The following SLC1A7 variants were observed in gnomAD, a reference collection of about 807,000 sequenced individuals.
SLC1A7 encodes excitatory amino acid transporter 5.
Under a neutral mutation model 47.7 loss-of-function variants are expected in SLC1A7, and 40 were observed. The ratio of observed to expected loss-of-function variants is 0.84; its 90% CI spans 0.65 to 1.09. The LOEUF (loss-of-function observed/expected upper bound fraction) is 1.09. SLC1A7 is among the 50% of genes least tolerant of loss of function. The probability of loss-of-function intolerance (pLI) is 0.00; values close to 1 mark genes in which losing one functional copy is unlikely to be tolerated. For missense variants in SLC1A7, 746 were observed against 769.5 expected (o/e 0.97, Z 0.36); for synonymous variants, 323 against 325.6 (o/e 0.99, Z 0.09).
chr1:53,137,287 C>CA (rs60113708), intron 1 of SLC1A7, among the ~76,000 whole-genome samples: 4,151 of 100,744 alleles, frequency 0.041, 194 homozygotes, highest in Non-Finnish European at 0.062. Flanking sequence ...ACGCTATCTC[C>CA]AAAAAAAAAA....
intron 1 of SLC1A7, among the ~76,000 whole-genome samples, chr1:53,141,999 C>G (rs1276753672): frequency 6.6e-6 from 1 of 152,112 alleles, no homozygotes; most frequent in Non-Finnish European, 1.5e-5. Context: ...CCTGTTTGAA[C>G]TCACACAAGA....
At chr1:53,117,749 A>C (rs1261960477) in intron 2 of SLC1A7, among the ~76,000 whole-genome samples, 1 of 152,160 alleles carries the variant, frequency 6.6e-6, no homozygotes, top group African/African-American at 2.4e-5. Flanking sequence ...AAGGCCCCCC[A>C]CCGGGGACGA....
At chr1:53,140,837 C>T (rs1295319844) in intron 1 of SLC1A7, among the ~76,000 whole-genome samples, 2 of 152,206 alleles carry the variant, frequency 1.3e-5, no homozygotes, top group Non-Finnish European at 1.5e-5. Context: ...TTCAGGGTTT[C>T]TCTGCCTCCA....
At chr1:53,140,940 A>G (rs1645050950) in intron 1 of SLC1A7, among the ~76,000 whole-genome samples, 1 of 152,124 alleles carries the variant, frequency 6.6e-6, no homozygotes, top group South Asian at 2.1e-4. Context: ...TTTCCTTTTA[A>G]TGGAAGACAA....
chr1:53,102,329 C>T lies in SLC1A7; in HGVS notation c.697+1017G>A, dbSNP rs558742463. The stretch of plus-strand genomic sequence containing the variant: ...GCTCTGGGGTGGATGGAGACAAGCC[C>T]GTCAGCCTGTATGGGGCTGGTCATG... On this transcript the variant is annotated intron_variant, in intron 5 of 10. Transcript: ENST00000371494. The T allele has an allele frequency of 4.6e-5, 7 of 152,388 alleles. No individual in the cohort carries two copies. The East Asian group carries it at 9.6e-4, about 21-fold the overall frequency. 9.4% of individuals were successfully genotyped at this position (152,388 alleles called of 1,614,324 possible).
At chr1:53,117,473 A>G (rs1644774110) in intron 2 of SLC1A7, among the ~76,000 whole-genome samples, 2 of 152,232 alleles carry the variant, frequency 1.3e-5, no homozygotes, top group South Asian at 4.1e-4. Context: ...ACCTGACCTA[A>G]GAACTCACCA....
At chr1:53,093,630 G>A (rs1644451106) in intron 5 of SLC1A7, 70 bp from the exon 6 acceptor site, 2 of 1,249,776 alleles carry the variant, frequency 1.6e-6, no homozygotes, top group Middle Eastern at 2.1e-4. Flanking sequence ...GTCTCAGCAT[G>A]GCTGGCTTCC....
intron 5 of SLC1A7, among the ~76,000 whole-genome samples, chr1:53,100,594 C>G (rs558273994): frequency 1.3e-5 from 2 of 150,908 alleles, no homozygotes; most frequent in South Asian, 4.2e-4. Context: ...CCTCAGTACA[C>G]TCACACAACC....
intron 6 of SLC1A7, 57 bp downstream of exon 6, chr1:53,093,404 C>T (rs1018545343): frequency 9.5e-5 from 130 of 1,362,348 alleles, no homozygotes; most frequent in Admixed American, 2.7e-4. Context: ...GGGGTCTTGT[C>T]TTCCCTCCAT....
chr1:53,128,258 C>T (rs1679963), intron 2 of SLC1A7, among the ~76,000 whole-genome samples: 82,132 of 151,980 alleles, frequency 0.54, 22,729 homozygotes, highest in East Asian at 0.66. Flanking sequence ...GAGGATGCCT[C>T]GAGCCCAGGA....
rs1644972176 is a variant in SLC1A7, at chr1:53,134,526, C to G, written c.136-97G>C. 4.1e-6 allele frequency: 3 copies of G among 726,148 alleles called. No individual in the cohort carries two copies. In the South Asian group the frequency reaches 5.5e-5, roughly 13 times the overall value. The allele number at this position is 726,148 out of a possible 1,614,324, so 45.0% of individuals were successfully genotyped here. On this transcript the variant is annotated intron_variant, in intron 1 of 10. Transcript: ENST00000371494. ...TTTGAAGCACTATCCCATCTGACTC[C>G]CCTGTCTAGCACATGGCAGCAGAGA...
chr1:53,126,721 G>C (rs1023393102), intron 2 of SLC1A7, among the ~76,000 whole-genome samples: 1 of 152,214 alleles, frequency 6.6e-6, no homozygotes, highest in Non-Finnish European at 1.5e-5. Context: ...CATCAGCCAA[G>C]GACCTCACCT....
At chr1:53,106,226 T>C (rs1416516138) in intron 3 of SLC1A7, among the ~76,000 whole-genome samples, 1 of 151,954 alleles carries the variant, frequency 6.6e-6, no homozygotes, top group African/African-American at 2.4e-5. Flanking sequence ...GACTTGGTTG[T>C]TCATGTCCTA....
rs564238810 is a variant in SLC1A7 at position 53,132,312 on chromosome 1, G to GGT, written c.215+2036_215+2037dup. Among the ~76,000 whole-genome samples the GGT allele has an allele frequency of 4.1e-4, 62 of 152,236 alleles. 1 individual carries two copies. The East Asian group carries it at 8.1e-3, about 20-fold the overall frequency. On this transcript the variant is annotated intron_variant, in intron 2 of 10. Coordinates refer to ENST00000371494, the MANE Select transcript of SLC1A7 (RefSeq NM_006671.6). ...GAGGCGAGGAGACCAGTGAGGTGGC[G>GGT]GTGGAGTCTGGACGTGAGAAGAGAG...
chr1:53,089,973 G>A, intron 8 of SLC1A7, 39 bp from the exon 9 acceptor site: 2 of 1,609,682 alleles, frequency 1.2e-6, no homozygotes, highest in Non-Finnish European at 1.7e-6. Context: ...CAGCAGGAGG[G>A]GCAGGGTGCA....
intron 2 of SLC1A7, among the ~76,000 whole-genome samples, chr1:53,130,024 A>G (rs568864914): frequency 6.6e-6 from 1 of 152,326 alleles, no homozygotes; most frequent in South Asian, 2.1e-4. Context: ...TTGCTCACAT[A>G]GATGTCACTA....
chr1:53,122,193 T>G (rs1644834001), intron 2 of SLC1A7, among the ~76,000 whole-genome samples: 1 of 152,138 alleles, frequency 6.6e-6, no homozygotes, highest in South Asian at 2.1e-4. Context: ...ACTGGAGGTG[T>G]GCAAGCAACT....
chr1:53,114,553 C>T, intron 3 of SLC1A7: 2 of 592,262 alleles, frequency 3.4e-6, no homozygotes, highest in Non-Finnish European at 6.0e-6. Context: ...AGGGGCAGAC[C>T]CCGTCCAGGC....
chr1:53,093,450 A>G lies in SLC1A7; in HGVS notation c.797+11T>C, dbSNP rs933480599. 1 of 1,599,524 alleles carries G rather than the reference A, an allele frequency of 6.3e-7. No homozygotes were observed. Among genetic ancestry groups the G allele is most frequent in the African/African-American group, 1.3e-5 (1 of 74,922 alleles). ...CTGGCCGGGGTGAGGTGGGTAAATGAGGAGGCTTACCACACAGCCACCGCC... is the reference window on the plus strand; with the variant it reads ...CTGGCCGGGGTGAGGTGGGTAAATGGGGAGGCTTACCACACAGCCACCGCC... On this transcript the variant is annotated intron_variant, in intron 6 of 10. Coordinates refer to ENST00000371494, the MANE Select transcript of SLC1A7 (RefSeq NM_006671.6).
Sources: allele counts gnomAD v4.1 joint callset (sites outside exome capture counted in the v4.1 genomes callset), GRCh38; gene constraint gnomAD v4.1.1; transcripts MANE v1.5; gene names NCBI Gene and HGNC (gene_info 2026-07-23, HGNC 2026-07-21).